The following NUP58 variants were observed in gnomAD, a reference collection of about 807,000 sequenced individuals.
NUP58 encodes nucleoporin p58/p45.
In NUP58, 17 loss-of-function variants were observed where a neutral mutation model predicts 70.1. The ratio of observed to expected loss-of-function variants is 0.24; its 90% CI spans 0.17 to 0.36. The LOEUF (loss-of-function observed/expected upper bound fraction) is 0.36, where lower values mean the gene tolerates loss of function less well. NUP58 is among the 10% of genes least tolerant of loss of function. The pLI is 1.00. For missense variants in NUP58, 644 were observed against 701.5 expected, an observed-to-expected ratio of 0.92 and a Z score of 0.93; for synonymous variants, 275 against 257.6, an observed-to-expected ratio of 1.07 and a Z score of -0.65.
chr13:25,321,118 C>T (rs773814706), intron 9 of NUP58, 25 bp downstream of exon 9: 1 of 1,543,204 alleles, frequency 6.5e-7, no homozygotes, highest in South Asian at 1.3e-5. Flanking sequence ...GGCCATTTTA[C>T]CGTAGGGTTT....
At chr13:25,306,172 G>A (rs2030346106) in intron 1 of NUP58, among the ~76,000 whole-genome samples, 1 of 152,206 alleles carries the variant, frequency 6.6e-6, no homozygotes, top group South Asian at 2.1e-4. Context: ...TTGGGAGGCC[G>A]AGGCAGGTGG....
chr13:25,333,918 T>C (rs2031696181), intron 13 of NUP58: 7 of 985,326 alleles, frequency 7.1e-6, no homozygotes, highest in Non-Finnish European at 8.4e-6. Flanking sequence ...ATATGAAATT[T>C]TTATTAACAT....
intron 12 of NUP58, among the ~76,000 whole-genome samples, 167 bp from the exon 13 acceptor site, chr13:25,331,190 A>G (rs1229825533): frequency 6.6e-6 from 1 of 151,952 alleles, no homozygotes; most frequent in Non-Finnish European, 1.5e-5. Flanking sequence ...GAACTCTTGA[A>G]CTCATCATTT....
intron 13 of NUP58, chr13:25,334,145 T>C (rs2031704679): frequency 1.0e-6 from 1 of 985,278 alleles, no homozygotes; most frequent in Non-Finnish European, 1.2e-6. Flanking sequence ...GCTATTTGTG[T>C]ATGAAATCAT....
rs552406985 is a variant in NUP58 at position 25,328,114 on chromosome 13, G to A, written c.1233+602G>A. Among the ~76,000 whole-genome samples, 14 of 151,820 alleles carry A rather than the reference G, an allele frequency of 9.2e-5. No homozygotes were observed. The East Asian group carries it at 2.8e-3, about 30-fold the overall frequency. On this transcript the variant is annotated intron_variant, in intron 12 of 15. Coordinates refer to ENST00000381736, the MANE Select transcript of NUP58 (RefSeq NM_014089.4). ...CCTGGGAGGCTGAGGCAGGAGAATC[G>A]CTTGAACCCAGGAGGTGGAGGTTGC... is the stretch of plus-strand genomic sequence containing the variant.
At chr13:25,319,830 TTAAA>T (rs1169629302) in intron 7 of NUP58, among the ~76,000 whole-genome samples, 2 of 152,130 alleles carry the variant, frequency 1.3e-5, no homozygotes, top group Non-Finnish European at 2.9e-5. Context: ...TTGTACTATA[TTAAA>T]TAAAGCATTC....
At chr13:25,335,302 C>CA (rs2031742060) in intron 13 of NUP58, 1 of 985,198 alleles carries the variant, frequency 1.0e-6, no homozygotes, top group African/African-American at 1.7e-5. Context: ...CCACACACAA[C>CA]AAAAAGCATG....
rs763488108 is a variant in NUP58 at position 25,301,910 on chromosome 13, G to A, written c.107+30G>A. ...CCGCACTTTCTCGCCTTCCTGGGCCGGATTCACCCCCACCCCCACCCCCGC... is the reference window on the plus strand; with the variant it reads ...CCGCACTTTCTCGCCTTCCTGGGCCAGATTCACCCCCACCCCCACCCCCGC... On this transcript the variant is annotated intron_variant, in intron 1 of 15. Coordinates refer to ENST00000381736, the MANE Select transcript of NUP58 (RefSeq NM_014089.4). 27 of 1,450,980 alleles carry A rather than the reference G, an allele frequency of 1.9e-5. No individual in the cohort carries two copies. In the Admixed American group the frequency reaches 4.4e-4, roughly 23 times the overall value. 89.9% of individuals were successfully genotyped at this position (1,450,980 alleles called of 1,614,324 possible). A position where few individuals can be genotyped will look rare whatever the true frequency, so the allele number is the denominator to read the frequency against.
In NUP58 at chr13:25,301,808, T is replaced by G. The variant is rs753198507; in HGVS notation, c.35T>G (p.Leu12Arg). 1 of 1,613,512 alleles carries G rather than the reference T, an allele frequency of 6.2e-7. No individual in the cohort carries two copies. The highest frequency in any genetic ancestry group is 1.3e-5 in the African/African-American group (1 of 74,926). ...STGFSFGSGTLGSTTVAAGGT... is the reference protein window; with the variant it reads ...STGFSFGSGTRGSTTVAAGGT... ...GGGTTCTCCTTCGGGTCCGGGACTC[T>G]GGGCTCCACCACCGTGGCCGCCGGC... The change falls in exon 1 of 16, where the codon CTG (leucine) becomes CGG (arginine). Residue 12 changes from leucine to arginine, a missense_variant. Leu to Arg is a moderately radical substitution (Grantham distance 102). Coordinates refer to ENST00000381736, the MANE Select transcript of NUP58 (RefSeq NM_014089.4).
chr13:25,334,630 TA>T (rs2031719855), intron 13 of NUP58: 1 of 981,834 alleles, frequency 1.0e-6, no homozygotes, highest in Non-Finnish European at 1.2e-6. Context: ...AAAATTATTT[TA>T]AAATGTGACT....
In NUP58 at chr13:25,313,691, G is replaced by C. The variant is rs2137745909; in HGVS notation, c.514G>C (p.Gly172Arg). Residue 172 changes from glycine to arginine, a missense_variant, in exon 5 of 16, where the codon GGG (glycine) becomes CGG (arginine). This residue lies in a region of NUP58 where 430 missense variants were observed against 409.2 expected (regional missense o/e 1.05). Transcript: ENST00000381736. ...AACTGCATCAACAGGCCTCTCTTTA[G>C]GGGGAGCCTTAGCTGGTTTGGGAGG... ...TTTASTGLSL[G>R]GALAGLGGSL... is the part of the protein sequence containing the mutation. The C allele has an allele frequency of 6.5e-7, 1 of 1,531,882 alleles. No homozygotes were observed. Among genetic ancestry groups the C allele is most frequent in the East Asian group, 2.6e-5 (1 of 38,862 alleles). The allele number at this position is 1,531,882 out of a possible 1,614,324, so 94.9% of individuals were successfully genotyped here.
At chr13:25,346,719 TAA>T (rs897278773), downstream of NUP58, among the ~76,000 whole-genome samples, 39 of 128,740 alleles carry the variant, frequency 3.0e-4, no homozygotes, top group Non-Finnish European at 3.5e-4. Context: ...AAACTCCATC[TAA>T]AAAAAAAAAA....
At chr13:25,326,547 A>G (rs2031401189) in intron 10 of NUP58, among the ~76,000 whole-genome samples, 1 of 152,164 alleles carries the variant, frequency 6.6e-6, no homozygotes, top group Non-Finnish European at 1.5e-5. Flanking sequence ...AACTTCCAAA[A>G]TAGTAGTACA....
chr13:25,333,209 T>C lies in NUP58; in HGVS notation c.1435+1651T>C, dbSNP rs7994285. 8.9e-3 allele frequency: 8,786 copies of C among 985,342 alleles called. 419 individuals carry two copies. In the African/African-American group the frequency reaches 0.11, roughly 12 times the overall value. 61.0% of individuals were successfully genotyped at this position (985,342 alleles called of 1,614,324 possible). ...GGTTTTCACTTATACATTTTGAGCT[T>C]GTGGACATATGGAGATGTGTGTTCA... On this transcript the variant is annotated intron_variant, in intron 13 of 15. Coordinates refer to ENST00000381736, the MANE Select transcript of NUP58 (RefSeq NM_014089.4).
rs1394084401 is a variant in NUP58 at position 25,342,132 on chromosome 13, G to A, written c.*1998G>A. The A allele has an allele frequency of 1.3e-5, 2 of 152,544 alleles. No homozygotes were observed. The highest frequency in any genetic ancestry group is 2.9e-5 in the Non-Finnish European group (2 of 68,026). 9.4% of individuals were successfully genotyped at this position (152,544 alleles called of 1,614,324 possible). On this transcript the variant is annotated 3_prime_UTR_variant, in exon 16 of 16. Transcript: ENST00000381736. ...AGTCCCCAGATCCAGAACATGGGAAGTTAGGGAAAATGTGTGATTTTGTGT... is the reference window on the plus strand; with the variant it reads ...AGTCCCCAGATCCAGAACATGGGAAATTAGGGAAAATGTGTGATTTTGTGT...
intron 9 of NUP58, among the ~76,000 whole-genome samples, chr13:25,324,438 C>T (rs937713664): frequency 6.6e-6 from 1 of 152,074 alleles, no homozygotes; most frequent in Non-Finnish European, 1.5e-5. Context: ...TTAAAAGATC[C>T]AGTTCTTCGG....
chr13:25,307,221 T>TTTTTC, intron 1 of NUP58, among the ~76,000 whole-genome samples: 1 of 143,178 alleles, frequency 7.0e-6, no homozygotes, highest in East Asian at 2.0e-4. Flanking sequence ...ATTTTTTTTT[T>TTTTTC]TTTTTTTTTT....
At position 25,308,534 on chromosome 13, in the gene NUP58, T is replaced by C. The variant is rs191521844; in HGVS notation, c.250+586T>C. Among the ~76,000 whole-genome samples, 560 of 151,952 alleles carry C rather than the reference T, an allele frequency of 3.7e-3. 7 individuals carry two copies. The highest frequency in any genetic ancestry group is 0.013 in the African/African-American group (537 of 41,414). On this transcript the variant is annotated intron_variant, in intron 2 of 15. Transcript: ENST00000381736. ...GAAGAGGTCTCCTCCTGGTCTTAAA[T>C]TCCTGAGGTCAAGTGATCCTCCTGC...
In NUP58 at chr13:25,336,940, A is replaced by T; in HGVS notation, c.1440A>T (p.Pro480=). 1 of 1,571,558 alleles carries T rather than the reference A, an allele frequency of 6.4e-7. No homozygotes were observed. Among genetic ancestry groups the T allele is most frequent in the Non-Finnish European group, 8.6e-7 (1 of 1,163,002 alleles). Residue 480 remains proline (P), a synonymous_variant, in exon 14 of 16, where the codon CCA becomes CCT. Coordinates refer to ENST00000381736, the MANE Select transcript of NUP58 (RefSeq NM_014089.4). The part of the protein sequence containing the change: ...LTQQQQPATG[P]QPSLGVSFGT... ...TTTTTTTTTTTTTTATACCAGGGCC[A>T]CAGCCATCTCTGGGAGTTAGTTTTG... is the stretch of plus-strand genomic sequence containing the variant.
Sources: gnomAD v4.1 joint callset for allele counts (sites outside exome capture counted in the v4.1 genomes callset) on GRCh38, gnomAD v4.1.1 for gene constraint, gnomAD v4.1.1 regional missense constraint, MANE v1.5 for transcripts, NCBI Gene and HGNC (gene_info 2026-07-23, HGNC 2026-07-21) for gene names.